AP2B1: variants seen among roughly 807,000 people sequenced by gnomAD.
The protein encoded by AP2B1 is AP-2 complex subunit beta.
A neutral mutation model predicts 102.0 loss-of-function variants in AP2B1; 23 were observed. The observed-to-expected ratio is 0.23, with a 90% CI of 0.16 to 0.32. The LOEUF (loss-of-function observed/expected upper bound fraction) is 0.32, where lower values mean the gene tolerates loss of function less well. AP2B1 is among the 10% of genes least tolerant of loss of function. The pLI, the probability that AP2B1 is intolerant of heterozygous loss-of-function variation, is 1.00. For missense variants in AP2B1, 541 were observed against 1,157.4 expected, an observed-to-expected ratio of 0.47 and a Z score of 7.73; for synonymous variants, 381 against 421.2, an observed-to-expected ratio of 0.90 and a Z score of 1.17.
chr17:35,699,185 T>C (rs1287485156), intron 18 of AP2B1, among the ~76,000 whole-genome samples: 2 of 152,208 alleles, frequency 1.3e-5, no homozygotes, highest in African/African-American at 2.4e-5. Context: ...CATTGCCTTT[T>C]TAAAGCCCAA....
At chr17:35,676,984 G>T (rs894882389) in intron 17 of AP2B1, among the ~76,000 whole-genome samples, 8 of 152,216 alleles carry the variant, frequency 5.3e-5, no homozygotes, top group South Asian at 2.1e-4. Flanking sequence ...AACCAAAAGG[G>T]TGTTTTTGTT....
chr17:35,602,344 C>G (rs576314611), intron 3 of AP2B1, among the ~76,000 whole-genome samples: 35 of 152,216 alleles, frequency 2.3e-4, no homozygotes, highest in Non-Finnish European at 4.7e-4. Flanking sequence ...GTTGAAGAAC[C>G]CTTCTTGGAG....
At chr17:35,701,562 G>A (rs945727851) in intron 18 of AP2B1, among the ~76,000 whole-genome samples, 1 of 152,080 alleles carries the variant, frequency 6.6e-6, no homozygotes, top group Admixed American at 6.5e-5. Flanking sequence ...TCTATTACGG[G>A]AAATACACTA....
At chr17:35,626,150 T>C (rs529057842) in intron 6 of AP2B1, among the ~76,000 whole-genome samples, 1 of 152,288 alleles carries the variant, frequency 6.6e-6, no homozygotes, top group Admixed American at 6.5e-5. Flanking sequence ...CCTACCAGCC[T>C]GCCTCCTGCT....
In AP2B1 at chr17:35,723,773, A is replaced by T. The variant is rs782229887; in HGVS notation, c.*74A>T. 11 of 1,129,966 alleles carry T rather than the reference A, an allele frequency of 9.7e-6. No individual in the cohort carries two copies. The highest frequency in any genetic ancestry group is 1.5e-5 in the Non-Finnish European group (11 of 743,638). The allele number at this position is 1,129,966 out of a possible 1,614,324, so 70.0% of individuals were successfully genotyped here. A position where few individuals can be genotyped will look rare whatever the true frequency, so the allele number is the denominator to read the frequency against. On this transcript the variant is annotated 3_prime_UTR_variant, in exon 22 of 22. Coordinates refer to ENST00000610402, the MANE Select transcript of AP2B1 (RefSeq NM_001030006.2). The stretch of plus-strand genomic sequence containing the variant: ...AGAACTCTTAACTGGAAGAAATTGT[A>T]TTGCTGCGTAGAATCTGAACACACT...
At chr17:35,597,559 CT>C (rs1165366177) in intron 2 of AP2B1, among the ~76,000 whole-genome samples, 3 of 152,316 alleles carry the variant, frequency 2.0e-5, no homozygotes, top group African/African-American at 7.2e-5. Flanking sequence ...TATTAAAGTA[CT>C]GATTAAAGTA....
chr17:35,589,433 C>A (rs2073011533), intron 1 of AP2B1, among the ~76,000 whole-genome samples: 1 of 152,096 alleles, frequency 6.6e-6, no homozygotes, highest in Non-Finnish European at 1.5e-5. Context: ...TGAATTAAGA[C>A]CCTATTAATT....
intron 17 of AP2B1, among the ~76,000 whole-genome samples, chr17:35,680,178 G>C (rs950934246): frequency 3.3e-5 from 5 of 152,088 alleles, no homozygotes; most frequent in Non-Finnish European, 7.4e-5. Flanking sequence ...AAAGTGCTGG[G>C]ATTACAGGCG....
intron 20 of AP2B1, among the ~76,000 whole-genome samples, chr17:35,712,628 CA>C (rs1298783238): frequency 4.2e-5 from 6 of 142,032 alleles, no homozygotes; most frequent in African/African-American, 1.0e-4. Context: ...GACTCCGTCT[CA>C]AAAAAAAAAT....
intron 5 of AP2B1, among the ~76,000 whole-genome samples, chr17:35,613,745 G>A (rs1336353228): frequency 6.6e-6 from 1 of 152,198 alleles, no homozygotes; most frequent in African/African-American, 2.4e-5. Flanking sequence ...GTATTAGGCA[G>A]AGGTTAACAT....
At chr17:35,607,503 A>AT (rs2073721597) in intron 4 of AP2B1, among the ~76,000 whole-genome samples, 1 of 152,160 alleles carries the variant, frequency 6.6e-6, no homozygotes. Context: ...GCTTAAAGAC[A>AT]TTTTTTTAGT....
chr17:35,676,554 T>C (rs1428013881), intron 17 of AP2B1, among the ~76,000 whole-genome samples: 2 of 152,238 alleles, frequency 1.3e-5, no homozygotes, highest in Non-Finnish European at 2.9e-5. Context: ...ATCTTTATGA[T>C]AAAGTTGCCA....
intron 20 of AP2B1, among the ~76,000 whole-genome samples, chr17:35,714,651 A>C (rs1227862981): frequency 1.3e-5 from 2 of 152,182 alleles, no homozygotes; most frequent in African/African-American, 4.8e-5. Context: ...TCGAGACTGC[A>C]GTGAGCCATG....
At chr17:35,632,372 T>C (rs1331962386) in intron 9 of AP2B1, among the ~76,000 whole-genome samples, 1 of 152,208 alleles carries the variant, frequency 6.6e-6, no homozygotes, top group Admixed American at 6.5e-5. Context: ...TGACCTCAGA[T>C]GATCCACCCG....
At chr17:35,706,337 C>T (rs2076340228) in intron 18 of AP2B1, among the ~76,000 whole-genome samples, 1 of 152,176 alleles carries the variant, frequency 6.6e-6, no homozygotes, top group African/African-American at 2.4e-5. Context: ...TTTACAAACC[C>T]ATTCAGACTT....
intron 2 of AP2B1, among the ~76,000 whole-genome samples, chr17:35,597,432 G>A (rs1014201273): frequency 5.9e-5 from 9 of 152,172 alleles, no homozygotes; most frequent in Admixed American, 5.9e-4. Context: ...TTTACAGTGC[G>A]GAGCCTAAGC....
chr17:35,662,391 G>C (rs1464702286), intron 14 of AP2B1, among the ~76,000 whole-genome samples: 1 of 152,146 alleles, frequency 6.6e-6, no homozygotes, highest in African/African-American at 2.4e-5. Context: ...TTCAAGTAAT[G>C]TAGTTTATGC....
At chr17:35,657,865 G>C in intron 14 of AP2B1, 74 bp downstream of exon 14, 3 of 1,405,074 alleles carry the variant, frequency 2.1e-6, no homozygotes, top group Non-Finnish European at 2.9e-6. Context: ...AAATTATTCA[G>C]CTTTTTAGAA....
At chr17:35,685,536 G>GA (rs368130903) in intron 18 of AP2B1, among the ~76,000 whole-genome samples, 13 of 151,078 alleles carry the variant, frequency 8.6e-5, no homozygotes, top group South Asian at 2.1e-4. Context: ...ATAAAATTGG[G>GA]AAAAAAAAAT....
Sources: gnomAD v4.1 joint callset for allele counts (sites outside exome capture counted in the v4.1 genomes callset) on GRCh38, gnomAD v4.1.1 for gene constraint, MANE v1.5 for transcripts, NCBI Gene and HGNC (gene_info 2026-07-23, HGNC 2026-07-21) for gene names.